FAF1: variants seen among roughly 807,000 people sequenced by gnomAD.
FAF1 encodes the protein Fas associated factor 1, also known as FAS-associated factor 1.
In FAF1, 25 loss-of-function variants were observed where a neutral mutation model predicts 92.5. The ratio of observed to expected loss-of-function variants is 0.27; its 90% CI spans 0.20 to 0.38. FAF1 has a LOEUF of 0.38. FAF1 is among the 10% of genes least tolerant of loss of function. The pLI is 1.00. For synonymous variants in FAF1, 234 were observed against 273.2 expected (o/e 0.86, Z 1.42); for missense variants, 636 against 793.3 (o/e 0.80, Z 2.38).
chr1:50,907,016 T>C (rs989089306), intron 1 of FAF1, among the ~76,000 whole-genome samples: 1 of 152,184 alleles, frequency 6.6e-6, no homozygotes, highest in African/African-American at 2.4e-5. Flanking sequence ...GGCTGTGGGT[T>C]TGTCATAAAT....
At position 50,523,909 on chromosome 1, in the gene FAF1, G is replaced by C. The variant is rs191739959; in HGVS notation, c.1494+11460C>G. On this transcript the variant is annotated intron_variant, in intron 15 of 18. Coordinates refer to ENST00000396153, the MANE Select transcript of FAF1 (RefSeq NM_007051.3). ...TTATATTCCTTTGGGTAAATACCCA[G>C]TAATGGGATTGCTGAGTCGAATGGC... Among the ~76,000 whole-genome samples the C allele has an allele frequency of 2.0e-5, 3 of 152,318 alleles. No homozygotes were observed. The East Asian group carries it at 5.8e-4, about 29-fold the overall frequency.
At chr1:50,953,668 G>A (rs1645239235) in intron 1 of FAF1, among the ~76,000 whole-genome samples, 1 of 151,744 alleles carries the variant, frequency 6.6e-6, no homozygotes, top group Non-Finnish European at 1.5e-5. Context: ...GAACCCAGGA[G>A]GCAGAGGTTG....
chr1:50,876,766 TAG>T (rs1644575241), intron 1 of FAF1, among the ~76,000 whole-genome samples: 1 of 152,092 alleles, frequency 6.6e-6, no homozygotes, highest in Non-Finnish European at 1.5e-5. Flanking sequence ...GTATTTTTAG[TAG>T]AGATGGGGTT....
At chr1:50,458,645 A>G (rs905317475) in intron 18 of FAF1, among the ~76,000 whole-genome samples, 1 of 152,240 alleles carries the variant, frequency 6.6e-6, no homozygotes, top group African/African-American at 2.4e-5. Context: ...GGTCAGACGC[A>G]TACAATGATG....
chr1:50,696,147 T>C (rs184238950), intron 7 of FAF1, among the ~76,000 whole-genome samples: 6 of 152,306 alleles, frequency 3.9e-5, no homozygotes, highest in East Asian at 1.9e-4. Flanking sequence ...ATTTTGAACA[T>C]TGCCTAGCTC....
intron 2 of FAF1, among the ~76,000 whole-genome samples, chr1:50,812,701 G>A (rs1484043126): frequency 2.0e-5 from 3 of 152,056 alleles, no homozygotes; most frequent in Admixed American, 2.0e-4. Context: ...ATTACCATTC[G>A]ACCCCACCAT....
chr1:50,658,510 G>T (rs1014509668), intron 7 of FAF1, among the ~76,000 whole-genome samples: 1 of 152,080 alleles, frequency 6.6e-6, no homozygotes, highest in African/African-American at 2.4e-5. Flanking sequence ...GCACTGAATT[G>T]AATAACATTC....
intron 7 of FAF1, among the ~76,000 whole-genome samples, chr1:50,672,202 G>A (rs1019650096): frequency 6.6e-6 from 1 of 151,906 alleles, no homozygotes; most frequent in Admixed American, 6.6e-5. Flanking sequence ...CTGCCACCAT[G>A]CCCAGCTAAT....
At chr1:50,736,236 A>G (rs557299951) in intron 6 of FAF1, among the ~76,000 whole-genome samples, 3 of 152,344 alleles carry the variant, frequency 2.0e-5, no homozygotes, top group African/African-American at 7.2e-5. Flanking sequence ...ACTTAGAATC[A>G]TAATTATCTT....
Position 50,691,262 on chromosome 1 carries a change from C to T in FAF1, c.657+14524G>A, listed in dbSNP as rs529792675. Among the ~76,000 whole-genome samples, 132 of 150,112 alleles carry T rather than the reference C, an allele frequency of 8.8e-4. 1 individual carries two copies. Among genetic ancestry groups the T allele is most frequent in the Non-Finnish European group, 1.5e-3 (102 of 67,452 alleles). ...TTGTCACTGTCACCTTTTTTTTTTT[C>T]CAGACAGTTTCACTCTGTTGCCCAG... On this transcript the variant is annotated intron_variant, in intron 7 of 18. Coordinates refer to ENST00000396153, the MANE Select transcript of FAF1 (RefSeq NM_007051.3).
chr1:50,879,908 G>T (rs1486195148), intron 1 of FAF1, among the ~76,000 whole-genome samples: 1 of 152,174 alleles, frequency 6.6e-6, no homozygotes, highest in Admixed American at 6.5e-5. Context: ...ATGTGGAAGG[G>T]ACTATGGGAA....
chr1:50,482,851 G>C (rs906937770), intron 17 of FAF1, among the ~76,000 whole-genome samples: 8 of 152,212 alleles, frequency 5.3e-5, no homozygotes, highest in East Asian at 1.9e-4. Context: ...TACTTGGGTT[G>C]CTTTCTTATT....
intron 6 of FAF1, among the ~76,000 whole-genome samples, chr1:50,713,627 G>A (rs776519338): frequency 1.3e-5 from 2 of 151,924 alleles, no homozygotes; most frequent in African/African-American, 4.8e-5. Context: ...ATAAGCAAAC[G>A]TAGAACCTTT....
At chr1:50,645,153 C>T (rs1654525419) in intron 8 of FAF1, among the ~76,000 whole-genome samples, 2 of 152,186 alleles carry the variant, frequency 1.3e-5, no homozygotes, top group South Asian at 4.2e-4. Context: ...AGTCTCACCA[C>T]CATCAGAAGC....
chr1:50,917,695 A>C (rs990605364), intron 1 of FAF1, among the ~76,000 whole-genome samples: 1 of 150,620 alleles, frequency 6.6e-6, no homozygotes, highest in Admixed American at 6.7e-5. Flanking sequence ...AAAGGAAAGG[A>C]AAGGAAAAGA....
intron 17 of FAF1, among the ~76,000 whole-genome samples, chr1:50,476,479 T>C (rs1016328176): frequency 3.9e-5 from 6 of 152,170 alleles, no homozygotes; most frequent in Non-Finnish European, 7.3e-5. Flanking sequence ...GAAGGTCTCA[T>C]GGCTAGCGTG....
chr1:50,746,132 G>A (rs1659575648), intron 4 of FAF1, among the ~76,000 whole-genome samples: 1 of 150,864 alleles, frequency 6.6e-6, no homozygotes, highest in Non-Finnish European at 1.5e-5. Context: ...TGAGAATGAT[G>A]ACTTAGGATA....
chr1:50,673,736 G>GT (rs1264524419), intron 7 of FAF1, among the ~76,000 whole-genome samples: 5 of 152,086 alleles, frequency 3.3e-5, no homozygotes, highest in African/African-American at 1.2e-4. Flanking sequence ...CAAAGGCTCT[G>GT]TTAGGTATAT....
At chr1:50,643,331 G>A (rs1432174889) in intron 8 of FAF1, among the ~76,000 whole-genome samples, 1 of 150,460 alleles carries the variant, frequency 6.6e-6, no homozygotes, top group Non-Finnish European at 1.5e-5. Flanking sequence ...CTTCCATTCT[G>A]GTTTTTTTTT....
Sources: gnomAD v4.1 joint callset for allele counts (sites outside exome capture counted in the v4.1 genomes callset) on GRCh38, gnomAD v4.1.1 for gene constraint, MANE v1.5 for transcripts, NCBI Gene and HGNC (gene_info 2026-07-23, HGNC 2026-07-21) for gene names.